BLVRA: variants seen among roughly 807,000 people sequenced by gnomAD.
BLVRA encodes the protein biliverdin reductase A, also known as BVR A.
In BLVRA, 22 loss-of-function variants were observed where a neutral mutation model predicts 32.8. The ratio of observed to expected loss-of-function variants is 0.67; its 90% CI spans 0.48 to 0.96. BLVRA has a LOEUF of 0.96. BLVRA is among the 40% of genes least tolerant of loss of function. BLVRA has a pLI of 0.00. For synonymous variants in BLVRA, 119 were observed against 141.3 expected (o/e 0.84, Z 1.12); for missense variants, 323 against 358.1 (o/e 0.90, Z 0.79).
intron 2 of BLVRA, among the ~76,000 whole-genome samples, chr7:43,779,383 C>A (rs748613640): frequency 6.6e-5 from 10 of 152,252 alleles, no homozygotes; most frequent in Non-Finnish European, 1.0e-4. Flanking sequence ...TCATTCTCAG[C>A]CTGTTGCAGT....
At chr7:43,790,049 A>C (rs2095783627) in intron 3 of BLVRA, among the ~76,000 whole-genome samples, 1 of 152,192 alleles carries the variant, frequency 6.6e-6, no homozygotes, top group South Asian at 2.1e-4. Flanking sequence ...CATTAAAGAA[A>C]CCTAGCATAA....
At chr7:43,783,526 T>C (rs849163) in intron 2 of BLVRA, among the ~76,000 whole-genome samples, 83,512 of 151,894 alleles carry the variant, frequency 0.55, 23,217 homozygotes, top group African/African-American at 0.64. Flanking sequence ...ATATCACGAG[T>C]CTATCATAAC....
At chr7:43,770,268 C>T (rs1384417138) in intron 1 of BLVRA, among the ~76,000 whole-genome samples, 1 of 152,126 alleles carries the variant, frequency 6.6e-6, no homozygotes, top group African/African-American at 2.4e-5. Context: ...CTTTCCTGCC[C>T]AGTTTTAGTT....
At chr7:43,763,498 G>T (rs1235462340) in intron 1 of BLVRA, among the ~76,000 whole-genome samples, 1 of 152,196 alleles carries the variant, frequency 6.6e-6, no homozygotes, top group Non-Finnish European at 1.5e-5. Context: ...AATGAAGGTT[G>T]GGGCACGGGG....
At chr7:43,797,078 A>T (rs981397754) in intron 5 of BLVRA, among the ~76,000 whole-genome samples, 1 of 152,206 alleles carries the variant, frequency 6.6e-6, no homozygotes, top group Non-Finnish European at 1.5e-5. Flanking sequence ...AAGATGGAGG[A>T]TCAGATGGTA....
rs56855757 is a variant in BLVRA, at chr7:43,798,197, C to CAAAAAAA, written c.353-2245_353-2239dup. ...TGACAGAGGGAGACTCCCCATCTCACAAAAAAAAAAAAAAAAAAAAAAAAA... is the reference window on the plus strand; with the variant it reads ...TGACAGAGGGAGACTCCCCATCTCACAAAAAAAAAAAAAAAAAAAAAAAAAAAAAAAA... On this transcript the variant is annotated intron_variant, in intron 5 of 7. Transcript: ENST00000265523. Among the ~76,000 whole-genome samples, 188 of 45,168 alleles carry CAAAAAAA rather than the reference C, an allele frequency of 4.2e-3. 12 individuals are homozygous for CAAAAAAA. Among genetic ancestry groups the CAAAAAAA allele is most frequent in the Non-Finnish European group, 6.0e-3 (149 of 25,028 alleles). The allele number at this position is 45,168 out of a possible 152,430, so 29.6% of individuals were successfully genotyped here. A position where few individuals can be genotyped will look rare whatever the true frequency, so the allele number is the denominator to read the frequency against.
intron 6 of BLVRA, 48 bp from the exon 7 acceptor site, chr7:43,803,628 T>G: frequency 1.1e-6 from 1 of 877,356 alleles, no homozygotes; most frequent in Non-Finnish European, 1.7e-6. Flanking sequence ...TGCTTTCCAC[T>G]TGGCATTCCT....
At chr7:43,767,206 A>G in intron 1 of BLVRA, 1 of 629,800 alleles carries the variant, frequency 1.6e-6, no homozygotes, top group South Asian at 1.9e-5. Flanking sequence ...GGCCACTTTT[A>G]TAGGAAAACT....
At chr7:43,796,933 C>G (rs1190189505) in intron 5 of BLVRA, among the ~76,000 whole-genome samples, 1 of 152,144 alleles carries the variant, frequency 6.6e-6, no homozygotes, top group African/African-American at 2.4e-5. Context: ...ATTCAGACGG[C>G]AAACAATCAT....
intron 1 of BLVRA, chr7:43,767,613 T>G: frequency 1.2e-6 from 1 of 858,264 alleles, no homozygotes; most frequent in Non-Finnish European, 1.9e-6. Context: ...GAACATCACC[T>G]TTTGATAGCA....
chr7:43,790,247 C>T (rs192790700), intron 3 of BLVRA, among the ~76,000 whole-genome samples: 2 of 152,208 alleles, frequency 1.3e-5, no homozygotes, highest in African/African-American at 4.8e-5. Flanking sequence ...GGCTTTGGCT[C>T]TTCGAAGACT....
chr7:43,789,019 T>A (rs185033722), intron 3 of BLVRA, among the ~76,000 whole-genome samples: 215 of 151,722 alleles, frequency 1.4e-3, no homozygotes, highest in South Asian at 5.4e-3. Context: ...CATGCTCAAA[T>A]TTTCCACTCA....
chr7:43,778,012 C>A (rs905664881), intron 2 of BLVRA, among the ~76,000 whole-genome samples: 2 of 152,192 alleles, frequency 1.3e-5, no homozygotes, highest in African/African-American at 4.8e-5. Context: ...TTAAGCATTT[C>A]TCTGTATTGG....
Position 43,805,149 on chromosome 7 carries a change from G to A in BLVRA, c.632+1302G>A, listed in dbSNP as rs2095802760. 2.0e-5 allele frequency among the ~76,000 whole-genome samples: 3 copies of A among 152,312 alleles called. No individual in the cohort carries two copies. In the South Asian group the frequency reaches 6.2e-4, roughly 32 times the overall value. On this transcript the variant is annotated intron_variant, in intron 7 of 7. Transcript: ENST00000265523. ...AAAGATACTGTAGGGTGCTGTAGGA[G>A]CACAGGGAAGGGGAACCTGGACTAG...
chr7:43,802,357 A>G (rs556837218), intron 6 of BLVRA, among the ~76,000 whole-genome samples: 1 of 152,204 alleles, frequency 6.6e-6, no homozygotes. Flanking sequence ...TCAAGGTCAT[A>G]AGAAATGTTT....
Position 43,791,300 on chromosome 7 carries a change from T to C in BLVRA, c.186T>C (p.Ala62=). ...TCCAGCAGATTTCTTTGGAGGATGC[T>C]CTTTCCAGCCAAGAGGTGGAGGTCG... ...DGVQQISLED[A]LSSQEVEVAY... Residue 62 remains alanine, a synonymous_variant, in exon 4 of 8, where the codon GCT becomes GCC. Coordinates refer to ENST00000265523, the MANE Select transcript of BLVRA (RefSeq NM_000712.4). 1 of 1,614,084 alleles carries C rather than the reference T, an allele frequency of 6.2e-7. No homozygotes were observed. Among genetic ancestry groups the C allele is most frequent in the Non-Finnish European group, 8.5e-7 (1 of 1,179,940 alleles).
chr7:43,803,309 T>TTA (rs1563552923), intron 6 of BLVRA, among the ~76,000 whole-genome samples: 2 of 149,148 alleles, frequency 1.3e-5, no homozygotes, highest in African/African-American at 4.9e-5. Context: ...TAGGTATGTG[T>TTA]TGTGTGTGTG....
chr7:43,776,477 T>A (rs1261714494), intron 2 of BLVRA, among the ~76,000 whole-genome samples: 4 of 152,218 alleles, frequency 2.6e-5, no homozygotes, highest in Non-Finnish European at 1.5e-5. Flanking sequence ...AATCCTGAGT[T>A]CTAGTTTGAT....
intron 1 of BLVRA, among the ~76,000 whole-genome samples, chr7:43,759,644 G>T (rs1371170068): frequency 3.3e-5 from 5 of 152,204 alleles, no homozygotes; most frequent in Non-Finnish European, 5.9e-5. Flanking sequence ...GAAGGATTCA[G>T]TAAATGTTAG....
Sources: gnomAD v4.1 joint callset for allele counts (sites outside exome capture counted in the v4.1 genomes callset) on GRCh38, gnomAD v4.1.1 for gene constraint, MANE v1.5 for transcripts, NCBI Gene and HGNC (gene_info 2026-07-23, HGNC 2026-07-21) for gene names.